KIAA1614: variants seen among roughly 807,000 people sequenced by gnomAD.
KIAA1614 encodes KIAA1614, also known as uncharacterized protein KIAA1614.
In KIAA1614, 76 loss-of-function variants were observed where a neutral mutation model predicts 88.7. That is an observed-to-expected ratio of 0.86 (90% CI 0.71 to 1.04). The LOEUF (loss-of-function observed/expected upper bound fraction) is 1.04. KIAA1614 is among the 50% of genes least tolerant of loss of function. The pLI is 0.00. For missense variants in KIAA1614, 1,553 were observed against 1,582.5 expected (o/e 0.98, Z 0.32); for synonymous variants, 714 against 675.5 (o/e 1.06, Z -0.88).
intron 3 of KIAA1614, among the ~76,000 whole-genome samples, chr1:180,923,844 G>A (rs1012472216): frequency 3.3e-5 from 5 of 151,910 alleles, no homozygotes; most frequent in African/African-American, 7.3e-5. Flanking sequence ...GGGCACGGGT[G>A]TAACCAAGAA....
rs1653801874 is a variant in KIAA1614, at chr1:180,916,455, T to A, written c.352T>A (p.Cys118Ser). ...GTGGTCATCCCCCAAGAAACCCCAA[T>A]GCAGACGAGGCAAGGCAGGGAGAGC... Reference protein sequence around the residue: ...QEWSSPKKPQCRRGKAGRAGT... With the variant: ...QEWSSPKKPQSRRGKAGRAGT... The change falls in exon 2 of 9, where the codon TGC becomes AGC. Residue 118 changes from cysteine (C) to serine (S), a missense_variant. By Grantham distance (112) the Cys-to-Ser change is moderately radical. Transcript: ENST00000367588. 6.2e-6 allele frequency: 10 copies of A among 1,613,936 alleles called. No individual in the cohort carries two copies. The highest frequency in any genetic ancestry group is 1.3e-5 in the African/African-American group (1 of 74,890).
chr1:180,944,893 G>T, intron 8 of KIAA1614: 1 of 261,992 alleles, frequency 3.8e-6, no homozygotes, highest in Non-Finnish European at 7.1e-6. Context: ...CGTGACCCAT[G>T]ACCTGCTTGG....
rs1271226985 is a variant in KIAA1614 at position 180,947,481 on chromosome 1, G to A, written c.*1893G>A. On this transcript the variant is annotated 3_prime_UTR_variant, in exon 9 of 9. Coordinates refer to ENST00000367588, the MANE Select transcript of KIAA1614 (RefSeq NM_020950.2). ...AGATGGGGAGAGGGGAGAGGGGACA[G>A]GGGTTGGATTCTGGTTGATTTGACT... 1 of 152,358 alleles carries A rather than the reference G, an allele frequency of 6.6e-6. No homozygotes were observed. Among genetic ancestry groups the A allele is most frequent in the Non-Finnish European group, 1.5e-5 (1 of 68,146 alleles). 9.4% of individuals were successfully genotyped at this position (152,358 alleles called of 1,614,324 possible). A position where few individuals can be genotyped will look rare whatever the true frequency, so the allele number is the denominator to read the frequency against.
chr1:180,938,667 C>G lies in KIAA1614; in HGVS notation c.2874C>G (p.Ser958Arg). ...AGTCCAGCAAGGAATCAGAGGGAAG[C>G]CTGCAGAGGACAGGGTCAGGATCTG... ...ESESSKESEG[S>R]LQRTGSGSGG... The change falls in exon 6 of 9, where the codon AGC becomes AGG. Residue 958 changes from serine (S) to arginine (R), a missense_variant. Physicochemically the swap from Ser to Arg is moderately radical, Grantham distance 110 (BLOSUM62 -1). Transcript: ENST00000367588. The G allele has an allele frequency of 1.9e-6, 3 of 1,614,174 alleles. No homozygotes were observed. The highest frequency in any genetic ancestry group is 8.5e-7 in the Non-Finnish European group (1 of 1,180,024).
intron 2 of KIAA1614, among the ~76,000 whole-genome samples, chr1:180,917,594 C>T (rs75226400): frequency 0.048 from 7,317 of 152,198 alleles, 378 homozygotes; most frequent in African/African-American, 0.13. Flanking sequence ...TTTCCCCTCC[C>T]GCCTTCTCAT....
Position 180,950,156 on chromosome 1 carries a change from G to A in KIAA1614, c.*4568G>A, listed in dbSNP as rs1484258898. On this transcript the variant is annotated 3_prime_UTR_variant, in exon 9 of 9. Transcript: ENST00000367588. ...CGCACTGTATCTATGTCTAAAGCCA[G>A]TTGTGGTTGTGAGATGGAATAATGA... 1 of 197,412 alleles carries A rather than the reference G, an allele frequency of 5.1e-6. No homozygotes were observed. Among genetic ancestry groups the A allele is most frequent in the Admixed American group, 6.1e-5 (1 of 16,452 alleles). 12.2% of individuals were successfully genotyped at this position (197,412 alleles called of 1,614,324 possible). A position where few individuals can be genotyped will look rare whatever the true frequency, so the allele number is the denominator to read the frequency against.
intron 4 of KIAA1614, among the ~76,000 whole-genome samples, chr1:180,928,945 T>C (rs1180656541): frequency 6.6e-6 from 1 of 152,220 alleles, no homozygotes; most frequent in Non-Finnish European, 1.5e-5. Context: ...GGTGAGGCTC[T>C]TGAGAGAAGG....
intron 3 of KIAA1614, among the ~76,000 whole-genome samples, chr1:180,927,335 GC>G: frequency 6.6e-6 from 1 of 152,302 alleles, no homozygotes. Flanking sequence ...GAGCGCATCT[GC>G]CCCCAGCCAC....
chr1:180,941,603 C>G (rs1321213260), intron 7 of KIAA1614, among the ~76,000 whole-genome samples: 1 of 152,200 alleles, frequency 6.6e-6, no homozygotes, highest in African/African-American at 2.4e-5. Context: ...GAAACTTCTC[C>G]ATGGCCATAG....
chr1:180,923,051 GAC>G (rs1309763046), intron 3 of KIAA1614, among the ~76,000 whole-genome samples: 3 of 152,198 alleles, frequency 2.0e-5, no homozygotes, highest in African/African-American at 7.2e-5. Context: ...TGTTATAAAA[GAC>G]ACGAACAGCC....
intron 3 of KIAA1614, among the ~76,000 whole-genome samples, chr1:180,927,072 G>A (rs183463185): frequency 6.6e-6 from 1 of 152,286 alleles, no homozygotes; most frequent in East Asian, 1.9e-4. Flanking sequence ...AGAAATCATA[G>A]TCTGCCCAGA....
In KIAA1614 at chr1:180,945,370, A is replaced by G; in HGVS notation, c.3355A>G (p.Thr1119Ala). The G allele has an allele frequency of 6.3e-7, 1 of 1,599,852 alleles. No individual in the cohort carries two copies. The highest frequency in any genetic ancestry group is 8.5e-7 in the Non-Finnish European group (1 of 1,175,832). The change falls in exon 9 of 9, where the codon ACC becomes GCC. Residue 1119 changes from threonine (T) to alanine (A), a missense_variant. Thr to Ala is a moderately conservative substitution (Grantham distance 58). Transcript: ENST00000367588. The part of the protein sequence containing the change: ...EDVGAPSLAR[T>A]VGRLVEVFPD... ...CGTGGGTGCTCCCAGCCTGGCTCGCACCGTGGGCCGCCTGGTGGAGGTGTT... is the reference window on the plus strand; with the variant it reads ...CGTGGGTGCTCCCAGCCTGGCTCGCGCCGTGGGCCGCCTGGTGGAGGTGTT...
In KIAA1614 at chr1:180,935,151, G is replaced by A. The variant is rs1172961970; in HGVS notation, c.1242G>A (p.Thr414=). Residue 414 remains threonine (T), a synonymous_variant, in exon 5 of 9, where the codon ACG becomes ACA. Coordinates refer to ENST00000367588, the MANE Select transcript of KIAA1614 (RefSeq NM_020950.2). The surrounding 1 kb of genome is among the most constrained non-coding windows in gnomAD (Gnocchi z 6.1). The stretch of plus-strand genomic sequence containing the variant: ...GAAGCCCAGCCCGGGACCCCAGGAC[G>A]ACCCCTGCCTGCAGAGACAGCCTCC... The part of the protein sequence containing the change: ...GHRSPARDPR[T]TPACRDSLQN... The A allele has an allele frequency of 1.4e-6, 2 of 1,446,478 alleles. No individual in the cohort carries two copies. The highest frequency in any genetic ancestry group is 9.1e-7 in the Non-Finnish European group (1 of 1,098,992). The allele number at this position is 1,446,478 out of a possible 1,614,324, so 89.6% of individuals were successfully genotyped here.
Position 180,936,359 on chromosome 1 carries a change from C to T in KIAA1614, c.2450C>T (p.Thr817Ile). Residue 817 changes from threonine to isoleucine, a missense_variant, in exon 5 of 9, where the codon ACC (threonine) becomes ATC (isoleucine). Transcript: ENST00000367588. ...APTPPPSRKT[T>I]SPVSHRKAAL... ...ACCCCTCCCCCTTCGAGGAAAACCA[C>T]CTCGCCAGTGTCTCACAGGAAGGCA... is the stretch of plus-strand genomic sequence containing the variant. The T allele has an allele frequency of 1.2e-6, 2 of 1,614,252 alleles. No individual in the cohort carries two copies. The highest frequency in any genetic ancestry group is 1.7e-6 in the Non-Finnish European group (2 of 1,180,038).
chr1:180,935,068 T>C lies in KIAA1614; in HGVS notation c.1206-47T>C, dbSNP rs1654283162. 3.1e-6 allele frequency: 4 copies of C among 1,299,218 alleles called. No individual in the cohort carries two copies. Among genetic ancestry groups the C allele is most frequent in the Non-Finnish European group, 3.0e-6 (3 of 1,005,392 alleles). The allele number at this position is 1,299,218 out of a possible 1,614,324, so 80.5% of individuals were successfully genotyped here. On this transcript the variant is annotated intron_variant, in intron 4 of 8. Coordinates refer to ENST00000367588, the MANE Select transcript of KIAA1614 (RefSeq NM_020950.2). The surrounding 1 kb of genome is among the most constrained non-coding windows in gnomAD (Gnocchi z 6.1). ...GGTAGGGCCGATGCGTGTCCATACC[T>C]CCCCAGGTTTCTGCCCTTGACCTCT... is the stretch of plus-strand genomic sequence containing the variant.
intron 8 of KIAA1614, 134 bp downstream of exon 8, chr1:180,944,650 G>A (rs937660144): frequency 3.0e-6 from 3 of 1,000,728 alleles, no homozygotes; most frequent in African/African-American, 3.3e-5. Flanking sequence ...GACATGTGAT[G>A]TGTGGAGACG....
In KIAA1614 at chr1:180,935,484, G is replaced by A. The variant is rs1030133411; in HGVS notation, c.1575G>A (p.Pro525=). The A allele has an allele frequency of 3.4e-6, 5 of 1,480,784 alleles. No individual in the cohort carries two copies. The highest frequency in any genetic ancestry group is 1.4e-5 in the African/African-American group (1 of 71,352). The allele number at this position is 1,480,784 out of a possible 1,614,324, so 91.7% of individuals were successfully genotyped here. A position where few individuals can be genotyped will look rare whatever the true frequency, so the allele number is the denominator to read the frequency against. The change falls in exon 5 of 9, where the codon CCG becomes CCA. Residue 525 remains proline, a synonymous_variant. Coordinates refer to ENST00000367588, the MANE Select transcript of KIAA1614 (RefSeq NM_020950.2). This position sits in a 1 kb window ranked among gnomAD's most constrained non-coding sequence, Gnocchi z 6.1. The part of the protein sequence containing the change: ...LVGSLDRRGH[P]APPAPGSERR... The stretch of plus-strand genomic sequence containing the variant: ...GCAGCCTGGACCGCAGGGGACACCC[G>A]GCACCGCCGGCACCGGGCAGCGAGA...
intron 5 of KIAA1614, among the ~76,000 whole-genome samples, chr1:180,938,146 T>A (rs1434630749): frequency 6.6e-6 from 1 of 152,262 alleles, no homozygotes; most frequent in Non-Finnish European, 1.5e-5. Flanking sequence ...CTGACAAGAT[T>A]GTGGGTTTTG....
intron 6 of KIAA1614, among the ~76,000 whole-genome samples, chr1:180,940,145 T>C (rs565699803): frequency 1.3e-5 from 2 of 152,338 alleles, no homozygotes; most frequent in South Asian, 4.1e-4. Context: ...GGCACCTTGT[T>C]TGTCTTGCAT....
Sources: gnomAD v4.1 joint callset for allele counts (sites outside exome capture counted in the v4.1 genomes callset) on GRCh38, gnomAD v4.1.1 for gene constraint, Gnocchi (gnomAD v3.1) non-coding constraint, MANE v1.5 for transcripts, NCBI Gene and HGNC (gene_info 2026-07-23, HGNC 2026-07-21) for gene names.